The following CTNNA2 variants were observed in gnomAD, a reference collection of about 807,000 sequenced individuals.
CTNNA2 encodes catenin alpha 2.
Under a neutral mutation model 101.0 loss-of-function variants are expected in CTNNA2, and 42 were observed. The ratio of observed to expected loss-of-function variants is 0.42; its 90% CI spans 0.32 to 0.54. CTNNA2 has a LOEUF of 0.54. CTNNA2 is among the 20% of genes least tolerant of loss of function. The pLI is 0.14. For missense variants in CTNNA2, 871 were observed against 1,223.1 expected, an observed-to-expected ratio of 0.71 and a Z score of 4.29; for synonymous variants, 450 against 456.4, an observed-to-expected ratio of 0.99 and a Z score of 0.18.
chr2:80,595,203 C>T (rs772075222), intron 15 of CTNNA2, among the ~76,000 whole-genome samples: 1 of 152,138 alleles, frequency 6.6e-6, no homozygotes, highest in Non-Finnish European at 1.5e-5. Context: ...AGTCTTCTGA[C>T]TCCATGGTTA....
chr2:80,116,881 G>C (rs1344603355), intron 7 of CTNNA2, among the ~76,000 whole-genome samples: 3 of 145,908 alleles, frequency 2.1e-5, no homozygotes, highest in African/African-American at 7.7e-5. Context: ...CAATCCCAGA[G>C]AAGGGAAAAT....
intron 1 of CTNNA2, chr2:79,634,507 T>C (rs1276343465): frequency 6.6e-6 from 1 of 152,224 alleles, no homozygotes; most frequent in Non-Finnish European, 1.5e-5. Flanking sequence ...ATGTGTCTAT[T>C]CAAACATATC....
At chr2:79,405,313 A>G (rs777163676) in intron 4 of CTNNA2, among the ~76,000 whole-genome samples, 2 of 151,920 alleles carry the variant, frequency 1.3e-5, no homozygotes, top group African/African-American at 2.4e-5. Flanking sequence ...GCCCTGGCTG[A>G]CAATTTGTTT....
At chr2:79,235,485 A>T (rs1674544352) in intron 2 of CTNNA2, among the ~76,000 whole-genome samples, 1 of 151,840 alleles carries the variant, frequency 6.6e-6, no homozygotes, top group Non-Finnish European at 1.5e-5. Flanking sequence ...GCCCCTTCTG[A>T]CCGCTGACTC....
intron 2 of CTNNA2, among the ~76,000 whole-genome samples, chr2:79,682,995 A>G (rs918929190): frequency 6.6e-6 from 1 of 152,260 alleles, no homozygotes; most frequent in Admixed American, 6.5e-5. Flanking sequence ...AAACACGAGT[A>G]TTAGACTAAA....
intron 7 of CTNNA2, among the ~76,000 whole-genome samples, chr2:80,223,047 A>G (rs999629223): frequency 1.3e-5 from 2 of 152,064 alleles, no homozygotes; most frequent in South Asian, 2.1e-4. Context: ...AGCTCTCCAT[A>G]ATCTGTTTTT....
At chr2:79,598,781 C>G (rs1573444162) in intron 1 of CTNNA2, among the ~76,000 whole-genome samples, 1 of 152,076 alleles carries the variant, frequency 6.6e-6, no homozygotes. Context: ...TTGACATTAT[C>G]TTTTTTGGAG....
intron 9 of CTNNA2, among the ~76,000 whole-genome samples, chr2:80,479,452 G>C (rs1265272898): frequency 6.6e-6 from 1 of 152,144 alleles, no homozygotes; most frequent in African/African-American, 2.4e-5. Context: ...TAATTCCAAG[G>C]TTGACAAACC....
intron 2 of CTNNA2, among the ~76,000 whole-genome samples, chr2:79,236,529 C>A (rs115479198): frequency 0.047 from 7,210 of 152,226 alleles, 232 homozygotes; most frequent in Admixed American, 0.065. Context: ...TGAAGATTGC[C>A]ACATATATTT....
At chr2:79,680,114 A>T (rs1305319468) in intron 2 of CTNNA2, among the ~76,000 whole-genome samples, 1 of 151,580 alleles carries the variant, frequency 6.6e-6, no homozygotes, top group Non-Finnish European at 1.5e-5. Flanking sequence ...ACTGACCCTT[A>T]TTGCCTCTCG....
intron 14 of CTNNA2, among the ~76,000 whole-genome samples, chr2:80,584,079 A>G (rs1695767141): frequency 6.6e-6 from 1 of 152,140 alleles, no homozygotes; most frequent in Admixed American, 6.6e-5. Context: ...AGTTGGAAAT[A>G]AGAGGGTGCA....
At chr2:79,568,612 A>C (rs572884067) in intron 1 of CTNNA2, among the ~76,000 whole-genome samples, 1 of 152,242 alleles carries the variant, frequency 6.6e-6, no homozygotes, top group African/African-American at 2.4e-5. Context: ...AAGAAAAGTA[A>C]CGAAAAGAAA....
intron 4 of CTNNA2, among the ~76,000 whole-genome samples, chr2:79,446,649 A>C (rs913062229): frequency 1.3e-5 from 2 of 152,026 alleles, no homozygotes; most frequent in African/African-American, 4.8e-5. Context: ...TATGTAATAT[A>C]ATGTGCAATC....
rs76349946 is a variant in CTNNA2 at position 80,086,506 on chromosome 2, A to T, written c.1056+176709A>T. ...TTGATTGTTTGGACACCTCCTTGTG[A>T]TATGTGGAATCAAAATTTGGGAAGC... On this transcript the variant is annotated intron_variant, in intron 7 of 18. Transcript: ENST00000402739. Among the ~76,000 whole-genome samples, 450 of 152,160 alleles carry T rather than the reference A, an allele frequency of 3.0e-3. 3 individuals are homozygous for T. The highest frequency in any genetic ancestry group is 0.01 in the African/African-American group (420 of 41,532).
At position 79,321,793 on chromosome 2, in the gene CTNNA2, G is replaced by GCACACACA. The variant is rs59806501; in HGVS notation, c.-318+9016_-318+9023dup. ...CCTAGTTCCTGCCACCACTGTGTTT[G>GCACACACA]CACACACACACACACACACACACAC... On this transcript the variant is annotated intron_variant, in intron 3 of 21. Transcript: ENST00000466387. 4.2e-3 allele frequency among the ~76,000 whole-genome samples: 628 copies of GCACACACA among 149,174 alleles called. 1 individual carries two copies. The highest frequency in any genetic ancestry group is 0.014 in the African/African-American group (579 of 40,808).
At chr2:79,213,209 A>C (rs1453980048) in intron 2 of CTNNA2, among the ~76,000 whole-genome samples, 2 of 152,200 alleles carry the variant, frequency 1.3e-5, no homozygotes, top group Admixed American at 1.3e-4. Context: ...TAGCTATCTT[A>C]TCAGCATAAG....
intron 7 of CTNNA2, among the ~76,000 whole-genome samples, chr2:80,080,820 T>G (rs1319968227): frequency 1.3e-5 from 2 of 152,020 alleles, no homozygotes; most frequent in Non-Finnish European, 2.9e-5. Context: ...CCATGTATTT[T>G]AAAGTCTAGT....
intron 4 of CTNNA2, among the ~76,000 whole-genome samples, chr2:79,501,604 G>T (rs1013804704): frequency 2.0e-4 from 31 of 152,144 alleles, no homozygotes; most frequent in African/African-American, 7.5e-4. Flanking sequence ...CAAGCCCAGT[G>T]CTTTAAAATC....
At chr2:80,122,193 TC>T (rs1397352842) in intron 7 of CTNNA2, among the ~76,000 whole-genome samples, 1 of 151,532 alleles carries the variant, frequency 6.6e-6, no homozygotes, top group Non-Finnish European at 1.5e-5. Flanking sequence ...TCTCTCTCTC[TC>T]CCCCGTCCTG....
Sources: allele counts gnomAD v4.1 joint callset (sites outside exome capture counted in the v4.1 genomes callset), GRCh38; gene constraint gnomAD v4.1.1; transcripts MANE v1.5; gene names NCBI Gene and HGNC (gene_info 2026-07-23, HGNC 2026-07-21).